VPS35: variants seen among roughly 807,000 people sequenced by gnomAD.
VPS35 encodes the protein VPS35 retromer complex component.
VPS35 carries 21 observed loss-of-function variants against 98.1 expected under a neutral mutation model. That is an observed-to-expected ratio of 0.21 (90% CI 0.15 to 0.31). VPS35 has a LOEUF of 0.31. Among genes scored for constraint, VPS35 ranks in the 10% least tolerant of loss-of-function variants. The pLI is 1.00. For synonymous variants in VPS35, 268 were observed against 318.2 expected (o/e 0.84, Z 1.68); for missense variants, 554 against 950.8 (o/e 0.58, Z 5.49).
rs1022007255 is a variant in VPS35, at chr16:46,661,950, G to A, written c.2068-89C>T. ...AACACAACACTACCGTGGCTCTTTC[G>A]TGTTTTAAAGGGACATAACAAATTT... On this transcript the variant is annotated intron_variant, in intron 15 of 16. Transcript: ENST00000299138. The surrounding 1 kb of genome is among the most constrained non-coding windows in gnomAD (Gnocchi z 4.3). 8.4e-6 allele frequency: 13 copies of A among 1,547,794 alleles called. No homozygotes were observed. The highest frequency in any genetic ancestry group is 2.7e-5 in the African/African-American group (2 of 73,132).
Position 46,668,942 on chromosome 16 carries a change from C to T in VPS35, c.1635G>A (p.Glu545=). 1 of 1,614,112 alleles carries T rather than the reference C, an allele frequency of 6.2e-7. No individual in the cohort carries two copies. The highest frequency in any genetic ancestry group is 1.6e-4 in the Middle Eastern group (1 of 6,062). The change falls in exon 13 of 17, where the codon GAG becomes GAA. Residue 545 remains glutamate (E), a synonymous_variant. Transcript: ENST00000299138. ...AAYQLAFRYK[E]NSKVDDKWEK... ...AAAGTAAACTCACCACTTTAGAATTCTCTTTATATCGAAAAGCCAGCTGGT... is the reference window on the plus strand; with the variant it reads ...AAAGTAAACTCACCACTTTAGAATTTTCTTTATATCGAAAAGCCAGCTGGT...
At chr16:46,671,976 T>C (rs1342472759) in intron 11 of VPS35, 116 bp from the exon 12 acceptor site, 35 of 1,438,714 alleles carry the variant, frequency 2.4e-5, no homozygotes, top group Non-Finnish European at 3.2e-5. Flanking sequence ...GATATTCCTT[T>C]TTTTGGTGAG....
rs776400423 is a variant in VPS35, at chr16:46,680,858, G to C, written c.324-5C>G. The C allele has an allele frequency of 6.2e-7, 1 of 1,612,392 alleles. No individual in the cohort carries two copies. The highest frequency in any genetic ancestry group is 2.2e-5 in the East Asian group (1 of 44,846). On this transcript the variant is annotated splice_polypyrimidine_tract_variant and splice_region_variant and intron_variant, in intron 4 of 16. Transcript: ENST00000299138. ...CCAACTGTGATCAAAAGGTAACTAG[G>C]AAAATTATGAAGAAATGCTGATTAG... is the stretch of plus-strand genomic sequence containing the variant.
chr16:46,663,145 C>A lies in VPS35; in HGVS notation c.1665G>T (p.Lys555Asn), dbSNP rs1459582743. ...CAAATGAAAAAATCTTCTGGCATTT[C>A]TTTTCCCATTTGTCATCCTAAAACA... ...ENSKVDDKWEKKCQKIFSFAH... is the reference protein window; with the variant it reads ...ENSKVDDKWENKCQKIFSFAH... The change falls in exon 14 of 17, where the codon AAG (lysine) becomes AAT (asparagine). Residue 555 changes from lysine to asparagine, a missense_variant. Lys to Asn is a moderately conservative substitution (Grantham distance 94). Transcript: ENST00000299138. 1 of 1,613,854 alleles carries A rather than the reference C, an allele frequency of 6.2e-7. No individual in the cohort carries two copies. The highest frequency in any genetic ancestry group is 1.3e-5 in the African/African-American group (1 of 74,944).
chr16:46,682,043 G>C (rs374043385), intron 3 of VPS35, 36 bp downstream of exon 3: 17 of 1,518,594 alleles, frequency 1.1e-5, no homozygotes, highest in Non-Finnish European at 1.5e-5. Context: ...AAAAAGGTAT[G>C]GTCCAAATGT....
At position 46,677,198 on chromosome 16, in the gene VPS35, G is replaced by A. The variant is rs1289902456; in HGVS notation, c.804+117C>T. ...GGTGTGAGTCACCACACCCCGCAAGGAAAACTCTTTATTCAGGAAAGCTTA... is the reference window on the plus strand; with the variant it reads ...GGTGTGAGTCACCACACCCCGCAAGAAAAACTCTTTATTCAGGAAAGCTTA... On this transcript the variant is annotated intron_variant, in intron 7 of 16. Transcript: ENST00000299138. 5.1e-6 allele frequency: 5 copies of A among 976,848 alleles called. No individual in the cohort carries two copies. In the East Asian group the frequency reaches 1.1e-4, roughly 21 times the overall value. 60.5% of individuals were successfully genotyped at this position (976,848 alleles called of 1,614,324 possible).
intron 9 of VPS35, 48 bp downstream of exon 9, chr16:46,674,516 C>T: frequency 6.2e-7 from 1 of 1,605,636 alleles, no homozygotes; most frequent in South Asian, 1.1e-5. Flanking sequence ...AAAAGGAAGG[C>T]AGAGAAGTTT....
intron 6 of VPS35, 76 bp from the exon 7 acceptor site, chr16:46,677,474 G>GA (rs925601215): frequency 8.5e-7 from 1 of 1,176,758 alleles, no homozygotes; most frequent in African/African-American, 1.5e-5. Flanking sequence ...TAACGCATTT[G>GA]AACTACTAAC....
chr16:46,683,743 G>T, intron 1 of VPS35, 137 bp from the exon 2 acceptor site: 2 of 867,926 alleles, frequency 2.3e-6, no homozygotes, highest in Non-Finnish European at 3.7e-6. Flanking sequence ...TTTTTTTTTT[G>T]AGACGGAGTC....
intron 13 of VPS35, 64 bp downstream of exon 13, chr16:46,668,864 AAC>A (rs905694841): frequency 2.3e-5 from 36 of 1,587,262 alleles, no homozygotes; most frequent in Middle Eastern, 1.9e-4. Flanking sequence ...ATATAAAACA[AAC>A]ACACACACAC....
intron 7 of VPS35, 135 bp from the exon 8 acceptor site, chr16:46,676,827 C>A: frequency 1.4e-6 from 1 of 710,052 alleles, no homozygotes; most frequent in South Asian, 1.6e-5. Context: ...ACTTTTGAAC[C>A]TCTCTACTAA....
rs141253289 is a variant in VPS35 at position 46,671,749 on chromosome 16, A to G, written c.1480T>C (p.Phe494Leu). ...FADEQSLVGR[F>L]IHLLRSEDPD... ...TCCTCAGAGCGCAGCAGATGAATGA[A>G]GCGGCCCACAAGGCTCTGCTCATCA... is the stretch of plus-strand genomic sequence containing the variant. Residue 494 changes from phenylalanine (F) to leucine (L), a missense_variant, in exon 12 of 17, where the codon TTC (phenylalanine) becomes CTC (leucine). Coordinates refer to ENST00000299138, the MANE Select transcript of VPS35 (RefSeq NM_018206.6). 4 of 1,614,052 alleles carry G rather than the reference A, an allele frequency of 2.5e-6. No individual in the cohort carries two copies. In the South Asian group the frequency reaches 3.3e-5, roughly 13 times the overall value.
At position 46,664,372 on chromosome 16, in the gene VPS35, G is replaced by A. The variant is rs1965957782; in HGVS notation, c.1648-1210C>T. 2.0e-5 allele frequency among the ~76,000 whole-genome samples: 3 copies of A among 151,804 alleles called. No individual in the cohort carries two copies. The South Asian group carries it at 6.2e-4, about 32-fold the overall frequency. ...GGGTTTCACCTTATCGGCCAGGCTA[G>A]TCTTGAACTGCTGACCTCAAGTGAT... is the stretch of plus-strand genomic sequence containing the variant. On this transcript the variant is annotated intron_variant, in intron 13 of 16. Coordinates refer to ENST00000299138, the MANE Select transcript of VPS35 (RefSeq NM_018206.6).
Position 46,657,097 on chromosome 16 carries a change from C to G in VPS35, c.*3375G>C, listed in dbSNP as rs1172825989. Reference sequence around the variant, plus strand: ...CAGGGTGCCCTACTGGAGTAATCAGCAATACAAGACCACAAGCCAGGAAAC... The same window carrying G: ...CAGGGTGCCCTACTGGAGTAATCAGGAATACAAGACCACAAGCCAGGAAAC... On this transcript the variant is annotated 3_prime_UTR_variant, in exon 17 of 17. Transcript: ENST00000299138. 2 of 152,334 alleles carry G rather than the reference C, an allele frequency of 1.3e-5. No homozygotes were observed. The highest frequency in any genetic ancestry group is 4.8e-5 in the African/African-American group (2 of 41,562). 9.4% of individuals were successfully genotyped at this position (152,334 alleles called of 1,614,324 possible). A position where few individuals can be genotyped will look rare whatever the true frequency, so the allele number is the denominator to read the frequency against.
chr16:46,689,135 G>A lies in VPS35; in HGVS notation c.-2C>T, dbSNP rs1966378693. 1 of 1,609,324 alleles carries A rather than the reference G, an allele frequency of 6.2e-7. No individual in the cohort carries two copies. Among genetic ancestry groups the A allele is most frequent in the Non-Finnish European group, 8.5e-7 (1 of 1,178,646 alleles). On this transcript the variant is annotated 5_prime_UTR_variant, in exon 1 of 17. Transcript: ENST00000299138. ...CACTGCCCCCTCAGCACTCACCATG[G>A]CGACTCCCCAGAGCCTGCAGCAAGC...
At chr16:46,678,305 TAAAAAAAAAAA>T (rs58288436) in intron 6 of VPS35, among the ~76,000 whole-genome samples, 421 of 119,358 alleles carry the variant, frequency 3.5e-3, no homozygotes, top group Middle Eastern at 4.2e-3. Flanking sequence ...TGATGAGCTT[TAAAAAAAAAAA>T]AAAAAAAAAA....
At chr16:46,683,649 C>G (rs1486520885) in intron 1 of VPS35, 43 bp from the exon 2 acceptor site, 2 of 1,501,604 alleles carry the variant, frequency 1.3e-6, no homozygotes, top group South Asian at 2.3e-5. Flanking sequence ...GCACATTCTT[C>G]TAGCAAGTAC....
chr16:46,667,078 C>T (rs1435442369), intron 13 of VPS35, among the ~76,000 whole-genome samples: 1 of 152,160 alleles, frequency 6.6e-6, no homozygotes, highest in Admixed American at 6.6e-5. Context: ...AATTTATATT[C>T]CCACCAATAA....
chr16:46,662,741 G>A (rs927469837), intron 14 of VPS35, among the ~76,000 whole-genome samples: 5 of 152,122 alleles, frequency 3.3e-5, no homozygotes, highest in African/African-American at 9.7e-5. Flanking sequence ...TGCATTTCCC[G>A]AATTTTATGT....
Sources: gnomAD v4.1 joint callset for allele counts (sites outside exome capture counted in the v4.1 genomes callset) on GRCh38, gnomAD v4.1.1 for gene constraint, Gnocchi (gnomAD v3.1) non-coding constraint, MANE v1.5 for transcripts, NCBI Gene and HGNC (gene_info 2026-07-23, HGNC 2026-07-21) for gene names.